MOB3B: variants seen among roughly 807,000 people sequenced by gnomAD.
MOB3B encodes MOB kinase activator 3B, also known as MOB kinase activator-like 2B.
Under a neutral mutation model 18.7 loss-of-function variants are expected in MOB3B, and 7 were observed. The ratio of observed to expected loss-of-function variants is 0.37; its 90% confidence interval spans 0.21 to 0.70. The LOEUF (loss-of-function observed/expected upper bound fraction) is 0.70. Ranked by LOEUF, MOB3B falls within the 30% of genes least tolerant of loss-of-function variation. The pLI is 0.52. For missense variants in MOB3B, 253 were observed against 281.3 expected (o/e 0.90, Z 0.72); for synonymous variants, 111 against 99.9 (o/e 1.11, Z -0.66).
rs532826089 is a variant in MOB3B, at chr9:27,462,797, C to T, written c.-198-7049G>A. 3.3e-5 allele frequency among the ~76,000 whole-genome samples: 5 copies of T among 152,286 alleles called. No homozygotes were observed. In the East Asian group the frequency reaches 9.6e-4, roughly 29 times the overall value. On this transcript the variant is annotated intron_variant, in intron 1 of 3. Coordinates refer to ENST00000262244, the MANE Select transcript of MOB3B (RefSeq NM_024761.5). ...GTCTGAAAAATTTCTAGCCCTAGCA[C>T]CATGAGAACTTATGTATGACATCTG...
At position 27,455,648 on chromosome 9, in the gene MOB3B, C is replaced by G; in HGVS notation, c.-98G>C. Reference sequence around the variant, plus strand: ...GCCCAACAGTGTTTTCCACTGCCAGCACTCAGGCCCCAGTCTTACAGCCTG... The same window carrying G: ...GCCCAACAGTGTTTTCCACTGCCAGGACTCAGGCCCCAGTCTTACAGCCTG... On this transcript the variant is annotated 5_prime_UTR_variant, in exon 2 of 4. Coordinates refer to ENST00000262244, the MANE Select transcript of MOB3B (RefSeq NM_024761.5). 4 of 1,573,180 alleles carry G rather than the reference C, an allele frequency of 2.5e-6. No individual in the cohort carries two copies. The highest frequency in any genetic ancestry group is 1.2e-5 in the South Asian group (1 of 83,410).
chr9:27,457,380 A>G (rs1258933186), intron 1 of MOB3B, among the ~76,000 whole-genome samples: 2 of 152,206 alleles, frequency 1.3e-5, no homozygotes, highest in Non-Finnish European at 2.9e-5. Context: ...CCAACACGGA[A>G]TCTGTTAAAA....
At chr9:27,397,425 A>G (rs1278622933) in intron 2 of MOB3B, 5 of 152,234 alleles carry the variant, frequency 3.3e-5, no homozygotes, top group African/African-American at 1.2e-4. Flanking sequence ...AATAAATGCA[A>G]ATCAATAGGC....
rs1296146417 is a variant in MOB3B, at chr9:27,506,972, G to A, written c.-199+22583C>T. ...TGGGATTACAGGGATGAGCCACTGC[G>A]CCCAGCCCAACTTATTTAATCTTGA... On this transcript the variant is annotated intron_variant, in intron 1 of 3. Coordinates refer to ENST00000262244, the MANE Select transcript of MOB3B (RefSeq NM_024761.5). 3.3e-5 allele frequency among the ~76,000 whole-genome samples: 5 copies of A among 151,894 alleles called. No homozygotes were observed. The East Asian group carries it at 5.8e-4, about 18-fold the overall frequency.
chr9:27,501,728 C>T (rs143482172), intron 1 of MOB3B, among the ~76,000 whole-genome samples: 2,270 of 149,900 alleles, frequency 0.015, 44 homozygotes, highest in Non-Finnish European at 0.018. Flanking sequence ...GATCGCCCCA[C>T]TGCACCGTAG....
chr9:27,407,191 G>A (rs181493419), intron 2 of MOB3B, among the ~76,000 whole-genome samples: 2 of 152,236 alleles, frequency 1.3e-5, no homozygotes, highest in East Asian at 1.9e-4. Flanking sequence ...AAGAGGTCTA[G>A]GAAAGACTGA....
rs528262668 is a variant in MOB3B, at chr9:27,425,243, A to G, written c.418+29890T>C. Among the ~76,000 whole-genome samples the G allele has an allele frequency of 2.0e-5, 3 of 152,064 alleles. No homozygotes were observed. The East Asian group carries it at 5.8e-4, about 29-fold the overall frequency. On this transcript the variant is annotated intron_variant, in intron 2 of 3. Transcript: ENST00000262244. The stretch of plus-strand genomic sequence containing the variant: ...ATACAAAATTAGCCAGGCATGATGG[A>G]GCACGCCTGCAATCCCAGCTACTCG...
chr9:27,336,340 A>C (rs560828440), intron 3 of MOB3B, among the ~76,000 whole-genome samples: 1 of 152,172 alleles, frequency 6.6e-6, no homozygotes, highest in Non-Finnish European at 1.5e-5. Context: ...AGGGGGGGGA[A>C]GAGCTACCAC....
In MOB3B at chr9:27,340,884, C is replaced by T. The variant is rs374831403; in HGVS notation, c.622-10268G>A. Among the ~76,000 whole-genome samples, 4 of 152,380 alleles carry T rather than the reference C, an allele frequency of 2.6e-5. No individual in the cohort carries two copies. The East Asian group carries it at 5.8e-4, about 22-fold the overall frequency. The stretch of plus-strand genomic sequence containing the variant: ...GGCAGGAGTCTGCCTCCCTCCTTCT[C>T]ATACCCAGCATTTGTCAGCGCAGCT... On this transcript the variant is annotated intron_variant, in intron 3 of 3. Coordinates refer to ENST00000262244, the MANE Select transcript of MOB3B (RefSeq NM_024761.5).
intron 1 of MOB3B, among the ~76,000 whole-genome samples, chr9:27,480,728 G>A (rs1045241004): frequency 6.6e-6 from 1 of 152,068 alleles, no homozygotes; most frequent in South Asian, 2.1e-4. Context: ...ACCGTGCCTA[G>A]GCAGAATTGT....
At chr9:27,372,419 C>A (rs1484923218) in intron 2 of MOB3B, among the ~76,000 whole-genome samples, 3 of 152,140 alleles carry the variant, frequency 2.0e-5, no homozygotes. Context: ...TATGTAAATA[C>A]TCCCTGTTCA....
intron 3 of MOB3B, among the ~76,000 whole-genome samples, chr9:27,338,807 C>T (rs974727188): frequency 6.6e-6 from 1 of 152,174 alleles, no homozygotes; most frequent in African/African-American, 2.4e-5. Flanking sequence ...CTGTATGTAT[C>T]AGAGGAAATA....
chr9:27,365,725 C>A (rs1228673776), intron 2 of MOB3B, among the ~76,000 whole-genome samples: 1 of 152,054 alleles, frequency 6.6e-6, no homozygotes, highest in Non-Finnish European at 1.5e-5. Flanking sequence ...AGAAGTTGGC[C>A]CACATTGAGA....
At chr9:27,421,055 C>T (rs2131412246) in intron 2 of MOB3B, 1 of 152,460 alleles carries the variant, frequency 6.6e-6, no homozygotes, top group African/African-American at 2.4e-5. Flanking sequence ...TAACCTTGCA[C>T]CCACCTTCTC....
At chr9:27,489,761 A>G (rs1819787239) in intron 1 of MOB3B, among the ~76,000 whole-genome samples, 1 of 3,222 alleles carries the variant, frequency 3.1e-4, no homozygotes, top group East Asian at 0.12. Flanking sequence ...TTTTGGTCCA[A>G]CAGGGCACTA....
At chr9:27,349,496 C>T (rs1821075396) in intron 3 of MOB3B, among the ~76,000 whole-genome samples, 1 of 152,170 alleles carries the variant, frequency 6.6e-6, no homozygotes, top group Non-Finnish European at 1.5e-5. Flanking sequence ...GTCTAGACCA[C>T]ACATAGCAGC....
chr9:27,507,562 T>C (rs891343437), intron 1 of MOB3B, among the ~76,000 whole-genome samples: 4 of 152,178 alleles, frequency 2.6e-5, no homozygotes, highest in Non-Finnish European at 4.4e-5. Context: ...GATTTCTTGG[T>C]TATTTCAGGA....
intron 3 of MOB3B, among the ~76,000 whole-genome samples, chr9:27,337,046 C>T (rs1018768382): frequency 6.6e-6 from 1 of 152,204 alleles, no homozygotes; most frequent in Non-Finnish European, 1.5e-5. Flanking sequence ...CCGAGCTTGG[C>T]CCTGTGGCCT....
chr9:27,465,770 A>G lies in MOB3B; in HGVS notation c.-198-10022T>C, dbSNP rs937149780. 1.2e-4 allele frequency among the ~76,000 whole-genome samples: 18 copies of G among 152,314 alleles called. No homozygotes were observed. The East Asian group carries it at 3.3e-3, about 28-fold the overall frequency. On this transcript the variant is annotated intron_variant, in intron 1 of 3. Coordinates refer to ENST00000262244, the MANE Select transcript of MOB3B (RefSeq NM_024761.5). ...GGCTCAACACCACGTGGAAACTGCC[A>G]AGGCCTGGGGCTTCCACCCTCTGAA...
Sources: allele counts gnomAD v4.1 joint callset (sites outside exome capture counted in the v4.1 genomes callset), GRCh38; gene constraint gnomAD v4.1.1; transcripts MANE v1.5; gene names NCBI Gene and HGNC (gene_info 2026-07-23, HGNC 2026-07-21).